TENM1: variants seen among roughly 807,000 people sequenced by gnomAD.
The protein encoded by TENM1 is teneurin-1.
A neutral mutation model predicts 174.8 loss-of-function variants in TENM1; 35 were observed. That is an observed-to-expected ratio of 0.20 (90% CI 0.15 to 0.27). The LOEUF is 0.27. TENM1 is among the 10% of genes least tolerant of loss of function. The pLI, the probability that TENM1 is intolerant of heterozygous loss-of-function variation, is 1.00. For synonymous variants in TENM1, 781 were observed against 798.7 expected (o/e 0.98, Z 0.37); for missense variants, 1,633 against 2,130.1 (o/e 0.77, Z 4.59).
At chrX:124,730,665 G>A (rs192840077) in intron 4 of TENM1, among the ~76,000 whole-genome samples, 1 of 111,951 alleles carries the variant, frequency 8.9e-6, no homozygotes, top group African/African-American at 3.2e-5. Flanking sequence ...TAGTTGTATC[G>A]ATTTGCAAAA....
chrX:124,837,989 C>T (rs1348683110), intron 3 of TENM1, among the ~76,000 whole-genome samples: 1 of 111,921 alleles, frequency 8.9e-6, no homozygotes, highest in Non-Finnish European at 1.9e-5. Flanking sequence ...AAAATGAAAT[C>T]AAACAGGATA....
At chrX:125,163,032 C>T in the TENM1 span, among the ~76,000 whole-genome samples, 3 of 111,444 alleles carry the variant, frequency 2.7e-5, no homozygotes, top group Non-Finnish European at 5.7e-5. Flanking sequence ...CAATGCTGCC[C>T]CCGCTGCCAC....
At chrX:124,753,396 A>G (rs1377322096) in intron 3 of TENM1, among the ~76,000 whole-genome samples, 2 of 103,144 alleles carry the variant, frequency 1.9e-5, no homozygotes, top group African/African-American at 3.6e-5. Flanking sequence ...GGGCTGAGAC[A>G]ATGGGGTTTT....
At chrX:124,962,439 G>C (rs1302299589) in intron 1 of TENM1, among the ~76,000 whole-genome samples, 2 of 111,973 alleles carry the variant, frequency 1.8e-5, no homozygotes, top group African/African-American at 6.5e-5. Context: ...AGGTTTTGCT[G>C]TTGTTGCTAG....
At chrX:124,776,873 T>C (rs1256578042) in intron 3 of TENM1, among the ~76,000 whole-genome samples, 1 of 111,208 alleles carries the variant, frequency 9.0e-6, no homozygotes, top group African/African-American at 3.3e-5. Context: ...GAGACAGACA[T>C]AAAGAAGAGA....
the TENM1 span, among the ~76,000 whole-genome samples, chrX:125,120,156 T>A: frequency 3.6e-5 from 4 of 111,901 alleles, no homozygotes; most frequent in Non-Finnish European, 7.5e-5. Flanking sequence ...CCAGTCTGTA[T>A]CAGTCCTACG....
In TENM1 at chrX:124,896,305, A is replaced by T; in HGVS notation, c.218-64T>A. 3.6e-6 allele frequency: 4 copies of T among 1,124,264 alleles called. No individual in the cohort carries two copies. In the South Asian group the frequency reaches 6.1e-5, roughly 17 times the overall value. 92.7% of individuals were successfully genotyped at this position (1,124,264 alleles called of 1,213,427 possible). On this transcript the variant is annotated intron_variant, in intron 1 of 31. Coordinates refer to ENST00000422452, the Ensembl canonical transcript of TENM1. The stretch of plus-strand genomic sequence containing the variant: ...ATGAAGAAATCCCCCAGAAAATTCT[A>T]CTTTTTGTTCTCATTCCCCTCTCCC...
chrX:124,847,124 T>C (rs1281392111), intron 3 of TENM1, among the ~76,000 whole-genome samples: 1 of 111,101 alleles, frequency 9.0e-6, no homozygotes, highest in East Asian at 2.8e-4. Context: ...TACAGGTTTC[T>C]TTATTAAAGG....
At chrX:124,376,565 T>G in exon 32 of TENM1, 1 of 112,230 alleles carries the variant, frequency 8.9e-6, no homozygotes, top group Middle Eastern at 4.6e-3. Context: ...ACAGCAAGTT[T>G]AACTCTAAGT....
At chrX:124,720,139 A>T (rs1452475155) in intron 4 of TENM1, among the ~76,000 whole-genome samples, 1 of 111,350 alleles carries the variant, frequency 9.0e-6, no homozygotes, top group Non-Finnish European at 1.9e-5. Context: ...ATCCGAATGG[A>T]CCCCTCCTCT....
In TENM1 at chrX:124,543,352, T is replaced by C. The variant is rs17334940; in HGVS notation, c.2651+3522A>G. 7.0e-3 allele frequency among the ~76,000 whole-genome samples: 787 copies of C among 112,453 alleles called. 31 individuals are homozygous for C. In the East Asian group the frequency reaches 0.13, roughly 18 times the overall value. ...CTCTGATATGGACATCTGACACGGA[T>C]TGACGTGAGGATCAGCCTCTCATGG... On this transcript the variant is annotated intron_variant, in intron 15 of 31. Coordinates refer to ENST00000422452, the Ensembl canonical transcript of TENM1.
At chrX:124,737,516 C>A (rs760202139) in intron 3 of TENM1, among the ~76,000 whole-genome samples, 2 of 112,119 alleles carry the variant, frequency 1.8e-5, no homozygotes. Context: ...CAACAAGACA[C>A]CAAGTTACAG....
intron 31 of TENM1, among the ~76,000 whole-genome samples, chrX:124,382,016 G>C (rs905583159): frequency 1.8e-5 from 2 of 110,846 alleles, no homozygotes; most frequent in African/African-American, 6.6e-5. Flanking sequence ...TAAATTTCAA[G>C]GCCTCACACC....
chrX:124,741,990 G>A (rs2053810842), intron 3 of TENM1, among the ~76,000 whole-genome samples: 1 of 111,899 alleles, frequency 8.9e-6, no homozygotes, highest in African/African-American at 3.2e-5. Context: ...TAGCAGCACT[G>A]GCTGTACATG....
chrX:125,181,809 G>A, the TENM1 span, among the ~76,000 whole-genome samples: 2 of 110,865 alleles, frequency 1.8e-5, no homozygotes, highest in Non-Finnish European at 3.8e-5. Flanking sequence ...TTCTGATGGA[G>A]GGACCTGATA....
chrX:124,671,750 C>T (rs1035475761), exon 6 of TENM1: 3 of 1,208,290 alleles, frequency 2.5e-6, no homozygotes, highest in Non-Finnish European at 3.4e-6. Flanking sequence ...TGGACTCGGT[C>T]CCCCTGTTCC....
chrX:124,704,924 A>T, intron 5 of TENM1, 89 bp downstream of exon 8: 1 of 682,754 alleles, frequency 1.5e-6, no homozygotes, highest in Non-Finnish European at 2.3e-6. Flanking sequence ...TGTACATGCC[A>T]GAATCGAGAG....
intron 3 of TENM1, among the ~76,000 whole-genome samples, chrX:124,805,704 C>T (rs916398325): frequency 6.2e-5 from 7 of 112,581 alleles, no homozygotes; most frequent in Admixed American, 1.9e-4. Context: ...AGTACTACAC[C>T]GACTACAGTG....
intron 22 of TENM1, among the ~76,000 whole-genome samples, chrX:124,456,012 T>G (rs1245247747): frequency 8.9e-6 from 1 of 111,798 alleles, no homozygotes; most frequent in Admixed American, 9.5e-5. Flanking sequence ...CCAGGGAGGA[T>G]AATCTGGGAC....
Sources: gnomAD v4.1 joint callset for allele counts (sites outside exome capture counted in the v4.1 genomes callset) on GRCh38, gnomAD v4.1.1 for gene constraint, MANE v1.5 for transcripts, NCBI Gene and HGNC (gene_info 2026-07-23, HGNC 2026-07-21) for gene names.